The following ITGB2 variants were observed in gnomAD, a reference collection of about 807,000 sequenced individuals.
ITGB2 encodes integrin beta-2.
Under a neutral mutation model 86.8 loss-of-function variants are expected in ITGB2, and 56 were observed. That is an observed-to-expected ratio of 0.65 (90% CI 0.52 to 0.81). ITGB2 has a LOEUF of 0.81. ITGB2 is among the 30% of genes least tolerant of loss of function. ITGB2 has a pLI of 0.00. For missense variants in ITGB2, 948 were observed against 1,061.2 expected (o/e 0.89, Z 1.48); for synonymous variants, 457 against 450.4 (o/e 1.01, Z -0.19).
At chr21:44,887,036 T>C in intron 14 of ITGB2, 134 bp from the exon 15 acceptor site, 1 of 1,066,912 alleles carries the variant, frequency 9.4e-7, no homozygotes, top group South Asian at 1.3e-5. Context: ...TCACCATCCA[T>C]CACCATGGCC....
At chr21:44,904,429 C>T (rs944619514) in intron 4 of ITGB2, among the ~76,000 whole-genome samples, 2 of 151,830 alleles carry the variant, frequency 1.3e-5, no homozygotes, top group South Asian at 2.1e-4. Flanking sequence ...CACAGTCACA[C>T]GTAGCACACA....
Position 44,890,092 on chromosome 21 carries a change from C to G in ITGB2, c.1543G>C (p.Gly515Arg). Residue 515 changes from glycine (G) to arginine (R), a missense_variant, in exon 12 of 16, where the codon GGG becomes CGG. Physicochemically the swap from Gly to Arg is moderately radical, Grantham distance 125 (BLOSUM62 -2). Coordinates refer to ENST00000652462, the MANE Select transcript of ITGB2 (RefSeq NM_000211.5). ...TCGCTGGTGTGGCACAGGCACTGCC[C>G]GCAGACACAGTCCCCCAGCCCTGAG... ...ICSGLGDCVC[G>R]QCLCHTSDVP... 6.2e-7 allele frequency: 1 copy of G among 1,613,450 alleles called. No individual in the cohort carries two copies. Among genetic ancestry groups the G allele is most frequent in the Non-Finnish European group, 8.5e-7 (1 of 1,180,006 alleles).
intron 1 of ITGB2, among the ~76,000 whole-genome samples, chr21:44,918,935 AAGCGTCCCCTCTCCCAGCACTCGGAGCTG>A (rs949963188): frequency 5.5e-4 from 62 of 111,882 alleles, no homozygotes; most frequent in African/African-American, 1.3e-3. Flanking sequence ...TTGGGTGGCT[AAGCGTCCCCTCTCCCAGCACTCGGAGCTG>A]AGCGTCCCCT....
At chr21:44,918,982 C>A (rs1368426480) in intron 1 of ITGB2, among the ~76,000 whole-genome samples, 1 of 152,190 alleles carries the variant, frequency 6.6e-6, no homozygotes, top group Admixed American at 6.6e-5. Flanking sequence ...CCTCTCCCAG[C>A]ACTCGGAGCT....
chr21:44,910,333 C>T lies in ITGB2; in HGVS notation c.98G>A (p.Cys33Tyr). The T allele has an allele frequency of 6.2e-7, 1 of 1,614,164 alleles. No individual in the cohort carries two copies. Among genetic ancestry groups the T allele is most frequent in the Non-Finnish European group, 8.5e-7 (1 of 1,180,016 alleles). The change falls in exon 3 of 16, where the codon TGC becomes TAC. Residue 33 changes from cysteine (C) to tyrosine (Y), a missense_variant. Coordinates refer to ENST00000652462, the MANE Select transcript of ITGB2 (RefSeq NM_000211.5). Reference sequence around the variant, plus strand: ...GGGCCCCGACTCGATGCATTCCCGGCAGCTGCTGACCTTGAACTTCGTGCA... The same window carrying T: ...GGGCCCCGACTCGATGCATTCCCGGTAGCTGCTGACCTTGAACTTCGTGCA... Reference protein sequence around the residue: ...QECTKFKVSSCRECIESGPGC... With the variant: ...QECTKFKVSSYRECIESGPGC...
intron 4 of ITGB2, among the ~76,000 whole-genome samples, chr21:44,905,490 C>T (rs538976051): frequency 7.7e-4 from 117 of 152,320 alleles, no homozygotes; most frequent in African/African-American, 2.8e-3. Context: ...CTTCCTGACA[C>T]CTCCAGCACC....
chr21:44,904,389 A>G (rs897159753), intron 4 of ITGB2, among the ~76,000 whole-genome samples: 11 of 151,626 alleles, frequency 7.3e-5, no homozygotes, highest in African/African-American at 2.4e-4. Context: ...CACACACACA[A>G]TACTCACACA....
intron 1 of ITGB2, among the ~76,000 whole-genome samples, chr21:44,912,746 C>G (rs1227742331): frequency 6.6e-6 from 1 of 152,114 alleles, no homozygotes; most frequent in Non-Finnish European, 1.5e-5. Flanking sequence ...CCACCAGCCC[C>G]TCAGCTGATC....
At chr21:44,900,544 G>A in intron 6 of ITGB2, 69 bp from the exon 7 acceptor site, 1 of 1,593,734 alleles carries the variant, frequency 6.3e-7, no homozygotes, top group East Asian at 2.2e-5. Context: ...TGGAGCAGAG[G>A]AGACGATGCA....
At chr21:44,921,687 C>T (rs551351449), upstream of ITGB2, among the ~76,000 whole-genome samples, 18 of 152,222 alleles carry the variant, frequency 1.2e-4, no homozygotes, top group African/African-American at 4.1e-4. Flanking sequence ...CACATTACTA[C>T]CCTAAACTCT....
At chr21:44,900,236 C>G (rs2083931025) in intron 7 of ITGB2, 84 bp downstream of exon 7, 1 of 1,550,416 alleles carries the variant, frequency 6.4e-7, no homozygotes, top group Non-Finnish European at 8.9e-7. Context: ...GAAGGAGGCT[C>G]TGTCAGGTGG....
rs747079516 is a variant in ITGB2, at chr21:44,901,531, C to T, written c.702G>A (p.Glu234=). 2.0e-5 allele frequency: 33 copies of T among 1,614,148 alleles called. No homozygotes were observed. Among genetic ancestry groups the T allele is most frequent in the Non-Finnish European group, 2.8e-5 (33 of 1,180,058 alleles). Residue 234 remains glutamate (E), a synonymous_variant, in exon 6 of 16, where the codon GAG becomes GAA. Transcript: ENST00000652462. ...QLISGNLDAP[E]GGLDAMMQVA... ...CCTGCATCATGGCGTCCAGCCCACC[C>T]TCGGGTGCATCCAGGTTTCCGGAAA...
At chr21:44,892,112 A>G in intron 10 of ITGB2, 116 bp from the exon 11 acceptor site, 1 of 1,006,418 alleles carries the variant, frequency 9.9e-7, no homozygotes, top group Non-Finnish European at 1.5e-6. Context: ...CGTGGGGAGG[A>G]AGGGGTGACC....
Position 44,892,743 on chromosome 21 carries a change from A to C in ITGB2, c.1224+661T>G, listed in dbSNP as rs182457795. 3.4e-3 allele frequency among the ~76,000 whole-genome samples: 517 copies of C among 150,602 alleles called. 1 individual carries two copies. Among genetic ancestry groups the C allele is most frequent in the Middle Eastern group, 6.8e-3 (2 of 294 alleles). On this transcript the variant is annotated intron_variant, in intron 10 of 15. Transcript: ENST00000652462. ...TTATTTCACAGCTAGCAAAAAAAAAAACAAAAAACAAAAAACAAAAAGAAA... is the reference window on the plus strand; with the variant it reads ...TTATTTCACAGCTAGCAAAAAAAAACACAAAAAACAAAAAACAAAAAGAAA...
At chr21:44,910,534 C>T (rs1305042979) in intron 2 of ITGB2, 162 bp from the exon 3 acceptor site, 8 of 1,472,900 alleles carry the variant, frequency 5.4e-6, no homozygotes, top group Non-Finnish European at 7.4e-6. Context: ...AAGAGGGGCC[C>T]TCGGGAAACA....
chr21:44,887,027 C>T (rs2083710800), intron 14 of ITGB2, 125 bp from the exon 15 acceptor site: 8 of 1,089,902 alleles, frequency 7.3e-6, no homozygotes, highest in Non-Finnish European at 8.1e-6. Flanking sequence ...GGCCCCGGCT[C>T]ACCATCCATC....
intron 3 of ITGB2, among the ~76,000 whole-genome samples, chr21:44,908,755 G>T (rs2084083704): frequency 6.6e-6 from 1 of 152,218 alleles, no homozygotes; most frequent in Non-Finnish European, 1.5e-5. Flanking sequence ...GACTCTCAGG[G>T]AAAGGAACCC....
At position 44,889,349 on chromosome 21, in the gene ITGB2, C is replaced by A. The variant is rs145850370; in HGVS notation, c.1804G>T (p.Glu602Ter). The A allele has an allele frequency of 6.2e-7, 1 of 1,612,796 alleles. No individual in the cohort carries two copies. Among genetic ancestry groups the A allele is most frequent in the African/African-American group, 1.3e-5 (1 of 74,898 alleles). Residue 602 changes from glutamate to a stop codon, truncating the protein, a stop_gained, in exon 13 of 16, where the codon GAG becomes TAG. Transcript: ENST00000652462. LOFTEE classifies it high-confidence loss of function. ...GRGRCRCNVC[E>*]CHSGYQLPLC... ...GGCAGCTGGTAGCCTGAATGGCACTCGCATACGTTGCAGCGGCACCGGCCA... is the reference window on the plus strand; with the variant it reads ...GGCAGCTGGTAGCCTGAATGGCACTAGCATACGTTGCAGCGGCACCGGCCA...
At chr21:44,900,772 G>C (rs1397240024) in intron 6 of ITGB2, among the ~76,000 whole-genome samples, 1 of 152,228 alleles carries the variant, frequency 6.6e-6, no homozygotes, top group Non-Finnish European at 1.5e-5. Flanking sequence ...CAAACCCTCA[G>C]GAAACCATCC....
Sources: allele counts gnomAD v4.1 joint callset (sites outside exome capture counted in the v4.1 genomes callset), GRCh38; gene constraint gnomAD v4.1.1; transcripts MANE v1.5; gene names NCBI Gene and HGNC (gene_info 2026-07-23, HGNC 2026-07-21).